The following VPS13B variants were observed in gnomAD, a reference collection of about 807,000 sequenced individuals.
VPS13B encodes vacuolar protein sorting 13 homolog B.
Under a neutral mutation model 426.4 loss-of-function variants are expected in VPS13B, and 285 were observed. The ratio of observed to expected loss-of-function variants is 0.67; its 90% CI spans 0.61 to 0.74. The LOEUF (loss-of-function observed/expected upper bound fraction) is 0.74, where lower values mean the gene tolerates loss of function less well. VPS13B is among the 30% of genes least tolerant of loss of function. The pLI is 0.00. For missense variants in VPS13B, 4,537 were observed against 4,782.6 expected (o/e 0.95, Z 1.51); for synonymous variants, 1,676 against 1,676.4 (o/e 1.00, Z 0.01).
chr8:99,573,928 A>G (rs936530266), intron 31 of VPS13B, among the ~76,000 whole-genome samples: 4 of 152,140 alleles, frequency 2.6e-5, no homozygotes, highest in African/African-American at 7.2e-5. Context: ...CTTCCTATCC[A>G]TGAGCATGGA....
intron 36 of VPS13B, among the ~76,000 whole-genome samples, chr8:99,709,729 G>A (rs1392806395): frequency 1.3e-5 from 2 of 152,154 alleles, no homozygotes; most frequent in African/African-American, 4.8e-5. Context: ...ATTGGTCAAA[G>A]TGACCTGATC....
intron 36 of VPS13B, among the ~76,000 whole-genome samples, chr8:99,702,176 A>G (rs949578079): frequency 9.9e-5 from 15 of 152,158 alleles, no homozygotes; most frequent in African/African-American, 3.6e-4. Context: ...GCCTCCTACC[A>G]GTAGTCATAT....
intron 16 of VPS13B, among the ~76,000 whole-genome samples, chr8:99,182,362 A>T (rs1011517006): frequency 2.6e-5 from 4 of 152,070 alleles, no homozygotes; most frequent in African/African-American, 9.7e-5. Flanking sequence ...GAACACAGGG[A>T]ATTTTCTGGG....
At chr8:99,699,375 G>A in intron 35 of VPS13B, 150 bp from the exon 36 acceptor site, 1 of 805,796 alleles carries the variant, frequency 1.2e-6, no homozygotes, top group African/African-American at 1.7e-5. Context: ...ATCGTTAAGT[G>A]ATGAGTAAGA....
At chr8:99,595,536 G>GA (rs1336241869) in intron 33 of VPS13B, among the ~76,000 whole-genome samples, 1 of 151,844 alleles carries the variant, frequency 6.6e-6, no homozygotes, top group Non-Finnish European at 1.5e-5. Context: ...AACTATAGGT[G>GA]AAAATGTTCA....
At chr8:99,776,646 A>G (rs1811755452) in intron 40 of VPS13B, 129 bp from the exon 41 acceptor site, 2 of 901,354 alleles carry the variant, frequency 2.2e-6, no homozygotes, top group Non-Finnish European at 3.5e-6. Flanking sequence ...AAAATACAGA[A>G]GATTTGATAA....
At chr8:99,081,282 T>C (rs9774546) in intron 3 of VPS13B, among the ~76,000 whole-genome samples, 111,743 of 152,056 alleles carry the variant, frequency 0.73, 41,801 homozygotes, top group South Asian at 0.87. Flanking sequence ...ACTAAATGCT[T>C]TGAGTCTGGT....
intron 19 of VPS13B, among the ~76,000 whole-genome samples, chr8:99,276,545 T>C (rs1472616305): frequency 1.3e-5 from 2 of 152,136 alleles, no homozygotes; most frequent in African/African-American, 4.8e-5. Context: ...GTTTCTGCTG[T>C]TTTAGCACAA....
chr8:99,475,516 A>T (rs1819644749), intron 24 of VPS13B, among the ~76,000 whole-genome samples: 1 of 152,140 alleles, frequency 6.6e-6, no homozygotes, highest in African/African-American at 2.4e-5. Flanking sequence ...TATTTTTAAA[A>T]TTTTCTTTAC....
intron 2 of VPS13B, among the ~76,000 whole-genome samples, chr8:99,024,280 G>A (rs1421555492): frequency 1.3e-5 from 2 of 152,234 alleles, no homozygotes; most frequent in Admixed American, 6.5e-5. Context: ...GAGCGTGTTT[G>A]TGTGTGCATG....
At chr8:99,160,575 C>T (rs1220144252) in intron 15 of VPS13B, among the ~76,000 whole-genome samples, 1 of 148,102 alleles carries the variant, frequency 6.8e-6, no homozygotes, top group Non-Finnish European at 1.5e-5. Flanking sequence ...TGCTTGAGCC[C>T]AGGAGGTCAA....
intron 22 of VPS13B, among the ~76,000 whole-genome samples, chr8:99,439,956 A>G (rs1053768779): frequency 6.6e-6 from 1 of 152,146 alleles, no homozygotes; most frequent in Non-Finnish European, 1.5e-5. Context: ...CATTGCAGTC[A>G]TTTCATTTAT....
chr8:99,013,747 C>G lies in VPS13B; in HGVS notation c.-29-13C>G. On this transcript the variant is annotated splice_polypyrimidine_tract_variant and intron_variant, in intron 1 of 61. Transcript: ENST00000357162. The stretch of plus-strand genomic sequence containing the variant: ...TACCGCCGACTTCTAACGTTTCTGT[C>G]TACTCCTTTCAGCTTCCGACTTCGA... The G allele has an allele frequency of 6.2e-7, 1 of 1,613,314 alleles. No individual in the cohort carries two copies. The highest frequency in any genetic ancestry group is 8.5e-7 in the Non-Finnish European group (1 of 1,179,528).
chr8:99,386,176 C>T (rs16897322), intron 20 of VPS13B, among the ~76,000 whole-genome samples: 1 of 152,012 alleles, frequency 6.6e-6, no homozygotes, highest in Admixed American at 6.6e-5. Context: ...TCCAGTGTAC[C>T]ATAGATATCC....
At chr8:99,517,240 GAA>G (rs1822131334) in intron 29 of VPS13B, among the ~76,000 whole-genome samples, 1 of 152,166 alleles carries the variant, frequency 6.6e-6, no homozygotes, top group Non-Finnish European at 1.5e-5. Flanking sequence ...TTGGAATTAA[GAA>G]AAGTTTGTTG....
At chr8:99,367,811 G>A (rs988595273) in intron 19 of VPS13B, among the ~76,000 whole-genome samples, 5 of 152,052 alleles carry the variant, frequency 3.3e-5, no homozygotes, top group Admixed American at 6.5e-5. Flanking sequence ...ATGCCACCAC[G>A]CCCAGCTAAT....
intron 23 of VPS13B, among the ~76,000 whole-genome samples, chr8:99,448,423 A>G (rs899910071): frequency 1.1e-4 from 17 of 152,150 alleles, no homozygotes; most frequent in Admixed American, 9.8e-4. Context: ...TTAAAAAACT[A>G]TAGAAATTAA....
At chr8:99,344,704 C>T (rs1266772469) in intron 19 of VPS13B, among the ~76,000 whole-genome samples, 1 of 151,940 alleles carries the variant, frequency 6.6e-6, no homozygotes, top group Non-Finnish European at 1.5e-5. Context: ...TCAGGTTACT[C>T]AGATGTTCCT....
chr8:99,450,529 G>A lies in VPS13B; in HGVS notation c.3445+7894G>A, dbSNP rs1321340730. ...GGAGATCAAGACCATCCTAGCCAACGTGGTGAAACCCTGTCTCTACTAAAA... is the reference window on the plus strand; with the variant it reads ...GGAGATCAAGACCATCCTAGCCAACATGGTGAAACCCTGTCTCTACTAAAA... On this transcript the variant is annotated intron_variant, in intron 23 of 61. Transcript: ENST00000357162. Among the ~76,000 whole-genome samples, 8 of 152,060 alleles carry A rather than the reference G, an allele frequency of 5.3e-5. No individual in the cohort carries two copies. The South Asian group carries it at 1.2e-3, about 24-fold the overall frequency.
Sources: gnomAD v4.1 joint callset for allele counts (sites outside exome capture counted in the v4.1 genomes callset) on GRCh38, gnomAD v4.1.1 for gene constraint, MANE v1.5 for transcripts, NCBI Gene and HGNC (gene_info 2026-07-23, HGNC 2026-07-21) for gene names.